Variants in ADIPOR2 observed in about 807,000 individuals in gnomAD.
ADIPOR2 encodes adiponectin receptor protein 2.
A neutral mutation model predicts 40.9 loss-of-function variants in ADIPOR2; 18 were observed. That is an observed-to-expected ratio of 0.44 (90% CI 0.30 to 0.65). The LOEUF is 0.65. Ranked by LOEUF, ADIPOR2 falls within the 30% of genes least tolerant of loss-of-function variation. The probability of loss-of-function intolerance (pLI) is 0.09; values close to 1 mark genes in which losing one functional copy is unlikely to be tolerated. For synonymous variants in ADIPOR2, 165 were observed against 166.4 expected (o/e 0.99, Z 0.06); for missense variants, 283 against 479.2 (o/e 0.59, Z 3.82).
Position 1,702,070 on chromosome 12 carries a change from C to T in ADIPOR2, c.-87+10879C>T, listed in dbSNP as rs991876061. Reference sequence around the variant, plus strand: ...CTGGGAGGCAGAGGTTTCAGTGAGCCGAGATCACGCCATTGCACTCCAGCT... The same window carrying T: ...CTGGGAGGCAGAGGTTTCAGTGAGCTGAGATCACGCCATTGCACTCCAGCT... On this transcript the variant is annotated intron_variant, in intron 1 of 7. Coordinates refer to ENST00000357103, the MANE Select transcript of ADIPOR2 (RefSeq NM_024551.3). 3.9e-5 allele frequency among the ~76,000 whole-genome samples: 6 copies of T among 152,096 alleles called. No homozygotes were observed. In the East Asian group the frequency reaches 5.8e-4, roughly 15 times the overall value.
intron 1 of ADIPOR2, among the ~76,000 whole-genome samples, chr12:1,727,858 TAAAAAA>T (rs570513526): frequency 7.2e-6 from 1 of 138,804 alleles, no homozygotes; most frequent in South Asian, 2.3e-4. Context: ...GAACACTGTT[TAAAAAA>T]AAAAAAAAAG....
intron 1 of ADIPOR2, among the ~76,000 whole-genome samples, chr12:1,724,044 T>C (rs999388439): frequency 6.6e-6 from 1 of 151,944 alleles, no homozygotes; most frequent in African/African-American, 2.4e-5. Context: ...TGCAATGGTG[T>C]GATCTTGGCT....
chr12:1,711,633 TC>T (rs1370178502), intron 1 of ADIPOR2, among the ~76,000 whole-genome samples: 11 of 143,632 alleles, frequency 7.7e-5, no homozygotes, highest in African/African-American at 3.2e-4. Context: ...TCTCTCTCTC[TC>T]TCTCTCTTTC....
Position 1,718,430 on chromosome 12 carries a change from T to C in ADIPOR2, c.-87+27239T>C, listed in dbSNP as rs148433660. On this transcript the variant is annotated intron_variant, in intron 1 of 7. Coordinates refer to ENST00000357103, the MANE Select transcript of ADIPOR2 (RefSeq NM_024551.3). ...CTTTAGAACTTGACTTTGTACTCTT[T>C]GGTGAGGTGACAAAACAAATTCAGA... Among the ~76,000 whole-genome samples, 379 of 152,330 alleles carry C rather than the reference T, an allele frequency of 2.5e-3. 4 individuals carry two copies. The highest frequency in any genetic ancestry group is 8.5e-3 in the African/African-American group (354 of 41,592).
At chr12:1,780,367 A>G in intron 4 of ADIPOR2, 84 bp from the exon 5 acceptor site, 1 of 1,306,152 alleles carries the variant, frequency 7.7e-7, no homozygotes, top group Non-Finnish European at 1.0e-6. Context: ...GTTGTAATGC[A>G]GAAGGATTGA....
chr12:1,731,160 A>T (rs954133316), intron 1 of ADIPOR2: 1 of 152,124 alleles, frequency 6.6e-6, no homozygotes, highest in Non-Finnish European at 1.5e-5. Flanking sequence ...TCCTGGGCTC[A>T]AGCGATCCTC....
At chr12:1,695,663 CAAA>C (rs34987467) in intron 1 of ADIPOR2, among the ~76,000 whole-genome samples, 1 of 109,100 alleles carries the variant, frequency 9.2e-6, no homozygotes, top group Non-Finnish European at 1.8e-5. Context: ...AACTCCATCT[CAAA>C]AAAAAAAAAA....
chr12:1,717,900 A>G (rs758019486), intron 1 of ADIPOR2, among the ~76,000 whole-genome samples: 5 of 152,158 alleles, frequency 3.3e-5, no homozygotes, highest in East Asian at 3.9e-4. Flanking sequence ...CAGAATAAAC[A>G]TATAATAAGT....
At chr12:1,734,406 C>G (rs2094726351) in intron 1 of ADIPOR2, among the ~76,000 whole-genome samples, 1 of 152,092 alleles carries the variant, frequency 6.6e-6, no homozygotes, top group African/African-American at 2.4e-5. Flanking sequence ...GCATAAATGT[C>G]TTCTTTTGAG....
chr12:1,722,173 T>C (rs2094699210), intron 1 of ADIPOR2, among the ~76,000 whole-genome samples: 1 of 152,104 alleles, frequency 6.6e-6, no homozygotes, highest in Non-Finnish European at 1.5e-5. Flanking sequence ...GAGAGTAAAT[T>C]AGTGGAGAAA....
At chr12:1,730,942 T>C (rs146952599) in intron 1 of ADIPOR2, 36 of 152,338 alleles carry the variant, frequency 2.4e-4, no homozygotes, top group African/African-American at 7.9e-4. Flanking sequence ...TTCTGGGCTG[T>C]TGTGACAACA....
intron 1 of ADIPOR2, among the ~76,000 whole-genome samples, chr12:1,748,044 G>T (rs781303749): frequency 6.6e-6 from 1 of 151,718 alleles, no homozygotes; most frequent in Non-Finnish European, 1.5e-5. Flanking sequence ...TCCTTTTAGA[G>T]TACCAAACTG....
At chr12:1,741,436 G>A (rs900892424) in intron 1 of ADIPOR2, among the ~76,000 whole-genome samples, 4 of 152,134 alleles carry the variant, frequency 2.6e-5, no homozygotes, top group African/African-American at 9.7e-5. Flanking sequence ...TAAGTATGGG[G>A]GCTTAGGAAG....
chr12:1,731,241 G>A (rs930819991), intron 1 of ADIPOR2, among the ~76,000 whole-genome samples: 2 of 152,106 alleles, frequency 1.3e-5, no homozygotes, highest in Admixed American at 1.3e-4. Context: ...TGTAGAGGCG[G>A]CATCTTATTA....
intron 1 of ADIPOR2, among the ~76,000 whole-genome samples, chr12:1,698,424 G>C (rs922203590): frequency 2.6e-5 from 4 of 152,266 alleles, no homozygotes; most frequent in African/African-American, 9.6e-5. Context: ...GTTTTGCCAT[G>C]TTGCCCAGGC....
At chr12:1,712,640 C>G (rs1271058754) in intron 1 of ADIPOR2, among the ~76,000 whole-genome samples, 5 of 152,082 alleles carry the variant, frequency 3.3e-5, no homozygotes, top group Non-Finnish European at 5.9e-5. Flanking sequence ...GATTTGAAGG[C>G]TGTTTCTGCC....
At chr12:1,783,317 C>T (rs1220007376) in intron 6 of ADIPOR2, among the ~76,000 whole-genome samples, 1 of 151,712 alleles carries the variant, frequency 6.6e-6, no homozygotes, top group Non-Finnish European at 1.5e-5. Context: ...CTGTCCTTTC[C>T]GAAAACATTT....
At chr12:1,716,813 T>A (rs972109383) in intron 1 of ADIPOR2, among the ~76,000 whole-genome samples, 2 of 152,230 alleles carry the variant, frequency 1.3e-5, no homozygotes, top group African/African-American at 2.4e-5. Flanking sequence ...TTATAATCAT[T>A]TGCTTGTGTG....
chr12:1,748,337 C>T (rs1054600642), intron 1 of ADIPOR2, among the ~76,000 whole-genome samples: 4 of 152,088 alleles, frequency 2.6e-5, no homozygotes, highest in Admixed American at 6.5e-5. Flanking sequence ...CAAACTCCGC[C>T]TCCCGGGTTC....
Sources: gnomAD v4.1 joint callset for allele counts (sites outside exome capture counted in the v4.1 genomes callset) on GRCh38, gnomAD v4.1.1 for gene constraint, MANE v1.5 for transcripts, NCBI Gene and HGNC (gene_info 2026-07-23, HGNC 2026-07-21) for gene names.